Variants in BAALC observed in about 807,000 individuals in gnomAD.
The protein encoded by BAALC is BAALC binder of MAP3K1 and KLF4.
In BAALC, 9 loss-of-function variants were observed where a neutral mutation model predicts 15.5. The observed-to-expected ratio is 0.58, with a 90% CI of 0.35 to 1.02. The LOEUF (loss-of-function observed/expected upper bound fraction) is 1.02. Ranked by LOEUF, BAALC falls within the 50% of genes least tolerant of loss-of-function variation. The pLI, the probability that BAALC is intolerant of heterozygous loss-of-function variation, is 0.02. For synonymous variants in BAALC, 80 were observed against 74.6 expected (o/e 1.07, Z -0.37); for missense variants, 201 against 192.4 (o/e 1.04, Z -0.27).
rs187337597 is a variant in BAALC, at chr8:103,168,855, G to C, written c.160+27798G>C. Among the ~76,000 whole-genome samples the C allele has an allele frequency of 1.4e-3, 212 of 152,072 alleles. 1 individual carries two copies. Among genetic ancestry groups the C allele is most frequent in the African/African-American group, 4.4e-3 (184 of 41,514 alleles). On this transcript the variant is annotated intron_variant, in intron 1 of 2. Transcript: ENST00000309982. ...TCCTCAAGTAGCTTTCTATGTAAGA[G>C]GTGACATTTTTTTGAAACTTTACTT...
intron 1 of BAALC, among the ~76,000 whole-genome samples, chr8:103,154,095 G>T (rs1811037120): frequency 6.6e-6 from 1 of 152,162 alleles, no homozygotes; most frequent in African/African-American, 2.4e-5. Flanking sequence ...TTTCTTGCTG[G>T]GGTGATAAGT....
At chr8:103,177,215 A>G (rs1586402534) in intron 1 of BAALC, among the ~76,000 whole-genome samples, 2 of 140,964 alleles carry the variant, frequency 1.4e-5, no homozygotes, top group African/African-American at 2.7e-5. Context: ...TTGAGACAAG[A>G]TCTCATTCTA....
At position 103,140,787 on chromosome 8, in the gene BAALC, C is replaced by T. The variant is rs1211066372; in HGVS notation, c.-111C>T. On this transcript the variant is annotated 5_prime_UTR_variant, in exon 1 of 3. It adds an upstream start codon to the 5' untranslated region. Coordinates refer to ENST00000309982, the MANE Select transcript of BAALC (RefSeq NM_024812.3). This position sits in a 1 kb window ranked among gnomAD's most constrained non-coding sequence, Gnocchi z 4.2. ...GCTGCAGCGCGGGCGGGAGCGGGGA[C>T]GCGATGTCGCCGCCGCCGCCTCCTT... 6 of 1,014,294 alleles carry T rather than the reference C, an allele frequency of 5.9e-6. No individual in the cohort carries two copies. The highest frequency in any genetic ancestry group is 4.7e-5 in the Admixed American group (1 of 21,142). 62.8% of individuals were successfully genotyped at this position (1,014,294 alleles called of 1,614,324 possible). A position where few individuals can be genotyped will look rare whatever the true frequency, so the allele number is the denominator to read the frequency against.
intron 1 of BAALC, among the ~76,000 whole-genome samples, chr8:103,158,411 C>T (rs965968462): frequency 5.9e-5 from 9 of 152,052 alleles, no homozygotes; most frequent in Non-Finnish European, 7.4e-5. Flanking sequence ...AGTACAAAAC[C>T]CTATATATAT....
intron 1 of BAALC, among the ~76,000 whole-genome samples, chr8:103,147,709 C>T (rs1810906011): frequency 6.6e-6 from 1 of 152,154 alleles, no homozygotes; most frequent in Non-Finnish European, 1.5e-5. Context: ...TGGTGCTGTG[C>T]CATTCATCCC....
chr8:103,198,949 A>G (rs1812154438), intron 1 of BAALC, among the ~76,000 whole-genome samples: 3 of 152,176 alleles, frequency 2.0e-5, no homozygotes. Context: ...TTGCTTTTCC[A>G]TTCATCACTA....
rs946480800 is a variant in BAALC, at chr8:103,141,038, A to G, written c.141A>G (p.Glu47=). ...PSAAAPDSGP[E]AGGLHSGMLE... ...CCGCCGCCCCGGACAGCGGCCCCGA[A>G]GCGGGCGGCCTGCACTCGGGTAAGT... The change falls in exon 1 of 3, where the codon GAA becomes GAG. Residue 47 remains glutamate (E), a synonymous_variant. Coordinates refer to ENST00000309982, the MANE Select transcript of BAALC (RefSeq NM_024812.3). 1 of 1,504,726 alleles carries G rather than the reference A, an allele frequency of 6.6e-7. No homozygotes were observed. The highest frequency in any genetic ancestry group is 1.5e-5 in the African/African-American group (1 of 68,558). 93.2% of individuals were successfully genotyped at this position (1,504,726 alleles called of 1,614,324 possible).
intron 1 of BAALC, among the ~76,000 whole-genome samples, chr8:103,176,085 G>GA (rs899256086): frequency 3.3e-5 from 5 of 151,986 alleles, no homozygotes; most frequent in African/African-American, 7.2e-5. Context: ...CAGCAAAAAG[G>GA]AAAAAAATAT....
At chr8:103,209,224 T>A (rs1812395872) in intron 1 of BAALC, among the ~76,000 whole-genome samples, 1 of 151,912 alleles carries the variant, frequency 6.6e-6, no homozygotes, top group African/African-American at 2.4e-5. Context: ...ATACAAAAAT[T>A]AGCTGGGTGT....
chr8:103,168,392 G>A (rs896692697), intron 1 of BAALC, among the ~76,000 whole-genome samples: 3 of 152,114 alleles, frequency 2.0e-5, no homozygotes, highest in East Asian at 1.9e-4. Context: ...AGCATAACTC[G>A]GTTAGATCAG....
chr8:103,140,945 C>T lies in BAALC; in HGVS notation c.48C>T (p.Tyr16=), dbSNP rs1417915440. ...SRADAIEPRY[Y]ESWTRETEST... ...CGGATGCCATCGAGCCCCGCTACTACGAGAGCTGGACCCGGGAGACAGAAT... is the reference window on the plus strand; with the variant it reads ...CGGATGCCATCGAGCCCCGCTACTATGAGAGCTGGACCCGGGAGACAGAAT... Residue 16 remains tyrosine, a synonymous_variant, in exon 1 of 3, where the codon TAC becomes TAT. Coordinates refer to ENST00000309982, the MANE Select transcript of BAALC (RefSeq NM_024812.3). The surrounding 1 kb of genome is among the most constrained non-coding windows in gnomAD (Gnocchi z 4.2). The T allele has an allele frequency of 1.3e-6, 2 of 1,538,328 alleles. No homozygotes were observed. The highest frequency in any genetic ancestry group is 2.0e-5 in the Admixed American group (1 of 50,180).
intron 1 of BAALC, among the ~76,000 whole-genome samples, chr8:103,207,018 C>T (rs1306986476): frequency 1.3e-5 from 2 of 152,150 alleles, no homozygotes; most frequent in Admixed American, 6.5e-5. Context: ...TAAGGGGGCT[C>T]CCTTCAGTCA....
chr8:103,199,887 T>G (rs549947444), intron 1 of BAALC, among the ~76,000 whole-genome samples: 7 of 152,230 alleles, frequency 4.6e-5, no homozygotes, highest in African/African-American at 7.2e-5. Context: ...TAAGCTCCAC[T>G]TATCAGTGAG....
chr8:103,189,104 C>T (rs938272549), intron 1 of BAALC, among the ~76,000 whole-genome samples: 3 of 152,016 alleles, frequency 2.0e-5, no homozygotes, highest in Non-Finnish European at 2.9e-5. Context: ...TAGTGTGTTC[C>T]CAATGAATAG....
chr8:103,177,460 T>C (rs1811633087), intron 1 of BAALC, among the ~76,000 whole-genome samples: 1 of 152,192 alleles, frequency 6.6e-6, no homozygotes, highest in South Asian at 2.1e-4. Flanking sequence ...ACTGGGAGTT[T>C]ATAGGCATAA....
At position 103,140,771 on chromosome 8, in the gene BAALC, C is replaced by T. The variant is rs1810747708; in HGVS notation, c.-127C>T. The stretch of plus-strand genomic sequence containing the variant: ...GCAGGAGCTCCGCGCGGCTGCAGCG[C>T]GGGCGGGAGCGGGGACGCGATGTCG... On this transcript the variant is annotated 5_prime_UTR_variant, in exon 1 of 3. Coordinates refer to ENST00000309982, the MANE Select transcript of BAALC (RefSeq NM_024812.3). This position sits in a 1 kb window ranked among gnomAD's most constrained non-coding sequence, Gnocchi z 4.2. 1 of 834,180 alleles carries T rather than the reference C, an allele frequency of 1.2e-6. No individual in the cohort carries two copies. The highest frequency in any genetic ancestry group is 1.6e-6 in the Non-Finnish European group (1 of 644,120). 51.7% of individuals were successfully genotyped at this position (834,180 alleles called of 1,614,324 possible). A position where few individuals can be genotyped will look rare whatever the true frequency, so the allele number is the denominator to read the frequency against.
intron 1 of BAALC, among the ~76,000 whole-genome samples, chr8:103,175,011 T>C (rs953382793): frequency 6.6e-6 from 1 of 152,194 alleles, no homozygotes; most frequent in South Asian, 2.1e-4. Flanking sequence ...ATTATACCAG[T>C]TGATCTCCAC....
chr8:103,147,556 G>T (rs4734689), intron 1 of BAALC, among the ~76,000 whole-genome samples: 53,708 of 151,778 alleles, frequency 0.35, 9,609 homozygotes, highest in Middle Eastern at 0.48. Context: ...GGCTCATTCT[G>T]CACTCAGCAA....
chr8:103,169,505 C>T (rs1326941259), intron 1 of BAALC, among the ~76,000 whole-genome samples: 1 of 152,172 alleles, frequency 6.6e-6, no homozygotes, highest in Non-Finnish European at 1.5e-5. Flanking sequence ...TTGGAAGCTC[C>T]ATTTATGACG....
Sources: gnomAD v4.1 joint callset for allele counts (sites outside exome capture counted in the v4.1 genomes callset) on GRCh38, gnomAD v4.1.1 for gene constraint, Gnocchi (gnomAD v3.1) non-coding constraint, MANE v1.5 for transcripts, NCBI Gene and HGNC (gene_info 2026-07-23, HGNC 2026-07-21) for gene names.